MSRA: variants seen among roughly 807,000 people sequenced by gnomAD.
MSRA encodes the protein methionine sulfoxide reductase A.
A neutral mutation model predicts 31.3 loss-of-function variants in MSRA; 54 were observed. The ratio of observed to expected loss-of-function variants is 1.73; its 90% CI spans 1.39 to 2.17. MSRA has a LOEUF of 2.17. Ranked by LOEUF, MSRA falls within the 30% of genes most tolerant of loss-of-function variation. The pLI is 0.00. For missense variants in MSRA, 507 were observed against 300.9 expected (o/e 1.69, Z -5.07); for synonymous variants, 169 against 116.5 (o/e 1.45, Z -2.90).
chr8:10,214,664 G>A (rs928714466), intron 2 of MSRA, among the ~76,000 whole-genome samples: 3 of 152,250 alleles, frequency 2.0e-5, no homozygotes, highest in South Asian at 2.1e-4. Flanking sequence ...TATAATTAGC[G>A]AAACAATCTA....
chr8:10,291,101 C>T (rs938005294), intron 3 of MSRA, among the ~76,000 whole-genome samples: 1 of 152,178 alleles, frequency 6.6e-6, no homozygotes, highest in African/African-American at 2.4e-5. Flanking sequence ...TACTGGTTTT[C>T]TTTGTACCAG....
At chr8:10,213,687 C>T (rs971688585) in intron 2 of MSRA, among the ~76,000 whole-genome samples, 4 of 151,752 alleles carry the variant, frequency 2.6e-5, no homozygotes, top group Non-Finnish European at 4.4e-5. Flanking sequence ...CTGCCTGCCT[C>T]GGCCTCCCCA....
intron 1 of MSRA, among the ~76,000 whole-genome samples, chr8:10,063,088 A>G (rs1008047751): frequency 6.6e-6 from 1 of 152,144 alleles, no homozygotes; most frequent in Admixed American, 6.5e-5. Context: ...ACTCAGATCT[A>G]AAACCAAACT....
intron 5 of MSRA, among the ~76,000 whole-genome samples, chr8:10,422,931 G>A (rs988397016): frequency 1.3e-5 from 2 of 152,250 alleles, no homozygotes; most frequent in Admixed American, 1.3e-4. Context: ...AGGGCCTGGA[G>A]GATGAGCACA....
At chr8:10,367,181 CCTAT>C (rs1234222578) in intron 5 of MSRA, among the ~76,000 whole-genome samples, 1 of 152,162 alleles carries the variant, frequency 6.6e-6, no homozygotes, top group Non-Finnish European at 1.5e-5. Context: ...GTCTACACTG[CCTAT>C]CTGTTAGTCA....
intron 1 of MSRA, among the ~76,000 whole-genome samples, chr8:10,109,363 A>G (rs1248929068): frequency 7.0e-6 from 1 of 143,020 alleles, no homozygotes; most frequent in Non-Finnish European, 1.5e-5. Flanking sequence ...TTATTTGGAG[A>G]TGGGGTCTTA....
At chr8:10,188,148 A>G (rs988049357) in intron 1 of MSRA, among the ~76,000 whole-genome samples, 3 of 152,226 alleles carry the variant, frequency 2.0e-5, no homozygotes, top group Admixed American at 6.5e-5. Context: ...GCTTCCCCCA[A>G]TGTTAATATC....
intron 5 of MSRA, among the ~76,000 whole-genome samples, chr8:10,416,009 C>T (rs1269286731): frequency 1.3e-5 from 2 of 152,234 alleles, no homozygotes; most frequent in South Asian, 2.1e-4. Context: ...GGAATTCTGA[C>T]CCTCTGGGTG....
intron 3 of MSRA, among the ~76,000 whole-genome samples, chr8:10,269,537 G>A (rs1412774300): frequency 6.6e-6 from 1 of 152,272 alleles, no homozygotes; most frequent in Non-Finnish European, 1.5e-5. Context: ...TACCTACAGA[G>A]AGCCGGCAGG....
At chr8:10,219,622 C>A (rs187827118) in intron 2 of MSRA, among the ~76,000 whole-genome samples, 1 of 151,948 alleles carries the variant, frequency 6.6e-6, no homozygotes, top group African/African-American at 2.4e-5. Flanking sequence ...CTGGCTAACA[C>A]GGTGAAACCC....
intron 3 of MSRA, among the ~76,000 whole-genome samples, chr8:10,248,842 G>A (rs952201173): frequency 3.9e-5 from 6 of 152,312 alleles, no homozygotes; most frequent in Admixed American, 2.6e-4. Flanking sequence ...AATACAAGGG[G>A]GCGGTCTCTT....
At chr8:10,175,927 T>C (rs138661746) in intron 1 of MSRA, among the ~76,000 whole-genome samples, 1 of 152,386 alleles carries the variant, frequency 6.6e-6, no homozygotes, top group East Asian at 1.9e-4. Context: ...CAGAATGGGA[T>C]AAGGCAGCAT....
intron 3 of MSRA, among the ~76,000 whole-genome samples, chr8:10,254,171 C>G (rs1798059860): frequency 6.6e-6 from 1 of 152,140 alleles, no homozygotes; most frequent in Non-Finnish European, 1.5e-5. Context: ...AGGGACAGAA[C>G]TAATTTCAGC....
intron 1 of MSRA, among the ~76,000 whole-genome samples, chr8:10,156,610 T>C (rs1158660544): frequency 6.6e-6 from 1 of 152,158 alleles, no homozygotes; most frequent in Non-Finnish European, 1.5e-5. Flanking sequence ...CTTCTTTTCA[T>C]ATGGACACAT....
chr8:10,277,005 C>A (rs1799355182), intron 3 of MSRA, among the ~76,000 whole-genome samples: 3 of 151,962 alleles, frequency 2.0e-5, no homozygotes, highest in Admixed American at 6.5e-5. Context: ...TGTGTATTAC[C>A]ATTAAGATAA....
chr8:10,205,249 C>G (rs1056955276), intron 1 of MSRA, among the ~76,000 whole-genome samples: 1 of 151,456 alleles, frequency 6.6e-6, no homozygotes, highest in Non-Finnish European at 1.5e-5. Flanking sequence ...ATGTCGGAGT[C>G]CGGAAAAAGG....
intron 2 of MSRA, among the ~76,000 whole-genome samples, chr8:10,227,188 G>C (rs1479094991): frequency 6.6e-6 from 1 of 152,170 alleles, no homozygotes; most frequent in African/African-American, 2.4e-5. Flanking sequence ...GATTCTGCTT[G>C]GTGACGACGA....
chr8:10,239,020 CAT>C (rs1048407744), intron 2 of MSRA, among the ~76,000 whole-genome samples: 4 of 152,058 alleles, frequency 2.6e-5, no homozygotes, highest in Non-Finnish European at 5.9e-5. Context: ...GCATTCAAAA[CAT>C]AAAAATTGCA....
At chr8:10,072,148 C>A (rs552505062) in intron 1 of MSRA, among the ~76,000 whole-genome samples, 1 of 152,036 alleles carries the variant, frequency 6.6e-6, no homozygotes, top group African/African-American at 2.4e-5. Context: ...CATGAGCTTG[C>A]AGCAGTGAGA....
Sources: allele counts gnomAD v4.1 joint callset (sites outside exome capture counted in the v4.1 genomes callset), GRCh38; gene constraint gnomAD v4.1.1; transcripts MANE v1.5; gene names NCBI Gene and HGNC (gene_info 2026-07-23, HGNC 2026-07-21).